The following ATP7A variants were observed in gnomAD, a reference collection of about 807,000 sequenced individuals.
ATP7A encodes ATPase copper transporting alpha, also known as copper-transporting ATPase 1.
Under a neutral mutation model 83.5 loss-of-function variants are expected in ATP7A, and 7 were observed. The ratio of observed to expected loss-of-function variants is 0.08; its 90% CI spans 0.05 to 0.16. The LOEUF is 0.16. ATP7A is among the 10% of genes least tolerant of loss of function. ATP7A has a pLI of 1.00. For missense variants in ATP7A, 940 were observed against 1,120.8 expected, an observed-to-expected ratio of 0.84 and a Z score of 2.30; for synonymous variants, 354 against 395.2, an observed-to-expected ratio of 0.90 and a Z score of 1.24.
chrX:78,043,267 CT>C, intron 20 of ATP7A, 49 bp from the exon 21 acceptor site: 1 of 888,823 alleles, frequency 1.1e-6, no homozygotes, highest in Non-Finnish European at 1.7e-6. Context: ...GTAAAAGTTA[CT>C]GGTTAAGTTA....
intron 1 of ATP7A, chrX:77,962,805 G>A: frequency 2.6e-6 from 1 of 388,459 alleles, no homozygotes; most frequent in Non-Finnish European, 5.2e-6. Flanking sequence ...GGAAGAGCTT[G>A]CCGTCAAATG....
intron 5 of ATP7A, among the ~76,000 whole-genome samples, chrX:78,001,063 T>C (rs1263395697): frequency 8.9e-6 from 1 of 112,051 alleles, no homozygotes; most frequent in East Asian, 2.8e-4. Context: ...TGAACTTATG[T>C]TTTTGACATT....
intron 1 of ATP7A, among the ~76,000 whole-genome samples, chrX:77,918,397 A>C (rs782755977): frequency 2.7e-5 from 3 of 110,706 alleles, no homozygotes; most frequent in Non-Finnish European, 5.7e-5. Context: ...GCTTTTAAGA[A>C]ATTTTTTCCA....
rs72554641 is a variant in ATP7A at position 78,011,570 on chromosome X, G to C, written c.2068G>C (p.Glu690Gln). 6 of 1,209,500 alleles carry C rather than the reference G, an allele frequency of 5.0e-6. 1 individual carries two copies. The highest frequency in any genetic ancestry group is 4.6e-4 in the Middle Eastern group (2 of 4,373). The change falls in exon 9 of 23, where the codon GAA (glutamate) becomes CAA (glutamine). Residue 690 changes from glutamate to glutamine, a missense_variant. Coordinates refer to ENST00000341514, the MANE Select transcript of ATP7A (RefSeq NM_000052.7). ...TLHHNQNMSK[E>Q]EMINLHSSMF... ...TCACCATAATCAAAACATGAGTAAA[G>C]AAGAAATGATCAACCTTCATTCTTC...
At chrX:77,917,452 C>A (rs2149039954) in intron 1 of ATP7A, among the ~76,000 whole-genome samples, 1 of 111,505 alleles carries the variant, frequency 9.0e-6, no homozygotes, top group South Asian at 3.8e-4. Flanking sequence ...ACTCTATAGG[C>A]AACAAACTGA....
intron 2 of ATP7A, among the ~76,000 whole-genome samples, chrX:77,979,474 C>T (rs1419426204): frequency 8.9e-6 from 1 of 111,752 alleles, no homozygotes; most frequent in African/African-American, 3.3e-5. Context: ...CACAAGTTTA[C>T]CTATATCACA....
At position 77,910,843 on chromosome X, in the gene ATP7A, C is replaced by G. The variant is rs1469196208; in HGVS notation, c.-22+8C>G. 5 of 112,322 alleles carry G rather than the reference C, an allele frequency of 4.5e-5. No homozygotes were observed. The highest frequency in any genetic ancestry group is 9.4e-5 in the Non-Finnish European group (5 of 53,265). The allele number at this position is 112,322 out of a possible 1,213,427, so 9.3% of individuals were successfully genotyped here. A position where few individuals can be genotyped will look rare whatever the true frequency, so the allele number is the denominator to read the frequency against. On this transcript the variant is annotated splice_region_variant and intron_variant, in intron 1 of 22. Coordinates refer to ENST00000341514, the MANE Select transcript of ATP7A (RefSeq NM_000052.7). ...ATAGGATAGAGAAACCAGGTAAGTC[C>G]TACATTGGCTTCCCGTCGTCCTTTC...
intron 1 of ATP7A, among the ~76,000 whole-genome samples, chrX:77,927,616 G>T (rs1557223733): frequency 1.8e-5 from 2 of 111,270 alleles, no homozygotes; most frequent in African/African-American, 6.5e-5. Context: ...CTTAGAACTG[G>T]AATTTCTGGG....
At chrX:77,998,418 GC>G (rs1170123964) in intron 4 of ATP7A, 59 bp from the exon 5 acceptor site, 19 of 1,096,959 alleles carry the variant, frequency 1.7e-5, no homozygotes, top group Non-Finnish European at 2.4e-5. Context: ...GTGATGCAAG[GC>G]AAGGATGCAA....
chrX:78,029,267 C>G lies in ATP7A; in HGVS notation c.2934C>G (p.Ile978Met). 1 of 1,210,942 alleles carries G rather than the reference C, an allele frequency of 8.3e-7. No individual in the cohort carries two copies. The highest frequency in any genetic ancestry group is 3.0e-5 in the East Asian group (1 of 33,846). Residue 978 changes from isoleucine to methionine, a missense_variant, in exon 15 of 23, where the codon ATC becomes ATG. Transcript: ENST00000341514. ...ETYFPGYNRS[I>M]SRTETIIRFA... ...TTCTAAAGGGCTACAATAGAAGTAT[C>G]TCCCGAACAGAAACGATAATACGAT...
At chrX:77,986,455 G>A (rs2077637218) in intron 2 of ATP7A, among the ~76,000 whole-genome samples, 1 of 111,589 alleles carries the variant, frequency 9.0e-6, no homozygotes, top group South Asian at 3.7e-4. Flanking sequence ...CTGCTTTTTT[G>A]AATATTAATA....
chrX:78,007,691 T>G (rs2077786611), intron 6 of ATP7A, among the ~76,000 whole-genome samples: 1 of 112,482 alleles, frequency 8.9e-6, no homozygotes. Flanking sequence ...TCTTTATATA[T>G]TCTAGATACA....
At chrX:78,011,414 C>G in intron 8 of ATP7A, 35 bp from the exon 9 acceptor site, 1 of 1,158,098 alleles carries the variant, frequency 8.6e-7, no homozygotes, top group Non-Finnish European at 1.2e-6. Context: ...CTATTTATGA[C>G]CATGATTTTT....
At chrX:77,968,991 G>A (rs1557229165) in intron 1 of ATP7A, 3 of 1,209,513 alleles carry the variant, frequency 2.5e-6, no homozygotes, top group African/African-American at 1.7e-5. Context: ...ATTCATAGAC[G>A]ATGGGAATAC....
At chrX:77,932,160 C>T (rs1360942510) in intron 1 of ATP7A, among the ~76,000 whole-genome samples, 8 of 105,507 alleles carry the variant, frequency 7.6e-5, no homozygotes, top group East Asian at 3.1e-4. Flanking sequence ...GGGCAGTTGC[C>T]GGGCGGAGGG....
chrX:77,945,842 CATAAA>C (rs1176704798), intron 1 of ATP7A, among the ~76,000 whole-genome samples: 1 of 111,255 alleles, frequency 9.0e-6, no homozygotes, highest in Non-Finnish European at 1.9e-5. Flanking sequence ...AAAGGTGTAA[CATAAA>C]ATAAATTTAC....
At chrX:78,010,611 A>C (rs1270479666) in intron 7 of ATP7A, among the ~76,000 whole-genome samples, 1 of 73,349 alleles carries the variant, frequency 1.4e-5, no homozygotes, top group African/African-American at 5.9e-5. Context: ...ACAGAGTCTC[A>C]CTCTGTCGCC....
chrX:77,932,510 G>T (rs1363715959), intron 1 of ATP7A, among the ~76,000 whole-genome samples: 1 of 112,551 alleles, frequency 8.9e-6, no homozygotes, highest in Admixed American at 9.3e-5. Context: ...GGTGGCGGCC[G>T]GGCAGAGGCT....
At chrX:77,928,421 CT>C in intron 1 of ATP7A, among the ~76,000 whole-genome samples, 1 of 110,673 alleles carries the variant, frequency 9.0e-6, no homozygotes, top group Non-Finnish European at 1.9e-5. Context: ...CACACACACA[CT>C]CATATATATA....
Sources: gnomAD v4.1 joint callset for allele counts (sites outside exome capture counted in the v4.1 genomes callset) on GRCh38, gnomAD v4.1.1 for gene constraint, MANE v1.5 for transcripts, NCBI Gene and HGNC (gene_info 2026-07-23, HGNC 2026-07-21) for gene names.